Variants in PERP observed in about 807,000 individuals in gnomAD.
PERP encodes the protein p53 apoptosis effector related to PMP-22.
Under a neutral mutation model 20.3 loss-of-function variants are expected in PERP, and 11 were observed. The observed-to-expected ratio is 0.54, with a 90% CI of 0.34 to 0.90. The LOEUF is 0.90. PERP is among the 40% of genes least tolerant of loss of function. PERP has a pLI of 0.02. For missense variants in PERP, 224 were observed against 249.4 expected, an observed-to-expected ratio of 0.90 and a Z score of 0.69; for synonymous variants, 101 against 102.0, an observed-to-expected ratio of 0.99 and a Z score of 0.06.
intron 1 of PERP, among the ~76,000 whole-genome samples, chr6:138,098,386 T>C (rs1230308131): frequency 1.3e-5 from 2 of 152,170 alleles, no homozygotes; most frequent in African/African-American, 4.8e-5. Context: ...TCTGCCCCTG[T>C]TGGCCATACT....
chr6:138,103,677 T>G (rs1010046300), intron 1 of PERP, among the ~76,000 whole-genome samples: 10 of 152,172 alleles, frequency 6.6e-5, no homozygotes, highest in Admixed American at 4.6e-4. Flanking sequence ...AATGAAATAA[T>G]TACACAACTC....
chr6:138,100,785 A>G (rs1775759400), intron 1 of PERP, among the ~76,000 whole-genome samples: 1 of 152,184 alleles, frequency 6.6e-6, no homozygotes, highest in African/African-American at 2.4e-5. Context: ...CATGTAATCA[A>G]AGAAACCAGC....
chr6:138,093,578 C>A (rs1775623630), intron 2 of PERP, among the ~76,000 whole-genome samples: 1 of 152,280 alleles, frequency 6.6e-6, no homozygotes, highest in East Asian at 1.9e-4. Context: ...TTTGCTACCA[C>A]ATACTGTGTA....
chr6:138,096,441 T>C lies in PERP; in HGVS notation c.268A>G (p.Ile90Val). 6.2e-7 allele frequency: 1 copy of C among 1,613,620 alleles called. No homozygotes were observed. Among genetic ancestry groups the C allele is most frequent in the Non-Finnish European group, 8.5e-7 (1 of 1,179,878 alleles). Residue 90 changes from isoleucine (I) to valine (V), a missense_variant, in exon 2 of 3, where the codon ATC (isoleucine) becomes GTC (valine). Transcript: ENST00000421351. ...MLFCGFIILVICFILSFFALC... is the reference protein window; with the variant it reads ...MLFCGFIILVVCFILSFFALC... Reference sequence around the variant, plus strand: ...GCGAAGAAGGAGAGGATGAAACAGATCACCAGGATGATGAAGCCACAGAAG... The same window carrying C: ...GCGAAGAAGGAGAGGATGAAACAGACCACCAGGATGATGAAGCCACAGAAG...
rs1170310846 is a variant in PERP, at chr6:138,096,448, G to T, written c.261C>A (p.Ile87=). 3 of 1,613,764 alleles carry T rather than the reference G, an allele frequency of 1.9e-6. No individual in the cohort carries two copies. The highest frequency in any genetic ancestry group is 2.5e-6 in the Non-Finnish European group (3 of 1,179,938). The change falls in exon 2 of 3, where the codon ATC becomes ATA. Residue 87 remains isoleucine (I), a synonymous_variant. Transcript: ENST00000421351. ...AGGAGAGGATGAAACAGATCACCAG[G>T]ATGATGAAGCCACAGAAGAGCATGG... is the stretch of plus-strand genomic sequence containing the variant. ...AAAMLFCGFI[I]LVICFILSFF... is the part of the protein sequence containing the mutation.
At chr6:138,095,703 C>A (rs944985159) in intron 2 of PERP, among the ~76,000 whole-genome samples, 1 of 152,198 alleles carries the variant, frequency 6.6e-6, no homozygotes, top group Admixed American at 6.5e-5. Context: ...CTTAGTGCCA[C>A]AGACCTGACT....
intron 1 of PERP, among the ~76,000 whole-genome samples, chr6:138,100,608 T>C (rs1043359220): frequency 2.0e-5 from 3 of 151,974 alleles, no homozygotes; most frequent in Admixed American, 6.6e-5. Context: ...AGGATTCTTA[T>C]TGTCAACTCT....
chr6:138,106,903 C>CTTTTTTTTTTTTTTTTTTTTT (rs577977770), intron 1 of PERP, among the ~76,000 whole-genome samples: 13 of 134,454 alleles, frequency 9.7e-5, no homozygotes, highest in East Asian at 2.4e-4. Context: ...GAACTACGGC[C>CTTTTTTTTTTTTTTTTTTTTT]TTTTTTTTTT....
At chr6:138,105,234 G>C (rs1488996594) in intron 1 of PERP, among the ~76,000 whole-genome samples, 1 of 152,210 alleles carries the variant, frequency 6.6e-6, no homozygotes, top group Admixed American at 6.5e-5. Context: ...AATCAGTCAT[G>C]CTGCATCATA....
At chr6:138,092,589 A>C (rs553773362) in intron 2 of PERP, among the ~76,000 whole-genome samples, 1 of 152,224 alleles carries the variant, frequency 6.6e-6, no homozygotes, top group Non-Finnish European at 1.5e-5. Context: ...TGTGGCATAC[A>C]ATAGAAAGCA....
chr6:138,094,106 C>A (rs919201341), intron 2 of PERP, among the ~76,000 whole-genome samples: 7 of 152,160 alleles, frequency 4.6e-5, no homozygotes, highest in African/African-American at 1.7e-4. Flanking sequence ...AAGAGTTTTA[C>A]TAGGATATTT....
chr6:138,089,061 T>G lies in PERP; in HGVS notation c.*2981A>C, dbSNP rs1775537980. On this transcript the variant is annotated 3_prime_UTR_variant, in exon 3 of 3. Coordinates refer to ENST00000421351, the MANE Select transcript of PERP (RefSeq NM_022121.5). ...TTAATTAAAGAAAAAATTCTATCAATCAGAGAATCTTGAAGGTAGGGGGAT... is the reference window on the plus strand; with the variant it reads ...TTAATTAAAGAAAAAATTCTATCAAGCAGAGAATCTTGAAGGTAGGGGGAT... The G allele has an allele frequency of 6.6e-6, 1 of 152,118 alleles. No homozygotes were observed. The allele number at this position is 152,118 out of a possible 1,614,324, so 9.4% of individuals were successfully genotyped here. A position where few individuals can be genotyped will look rare whatever the true frequency, so the allele number is the denominator to read the frequency against.
rs117964202 is a variant in PERP, at chr6:138,093,789, G to A, written c.356-1521C>T. Reference sequence around the variant, plus strand: ...AATATATATAAAATTTAAAATAACAGTTTCTATGAAACATACCTTAAAAGT... The same window carrying A: ...AATATATATAAAATTTAAAATAACAATTTCTATGAAACATACCTTAAAAGT... On this transcript the variant is annotated intron_variant, in intron 2 of 2. Coordinates refer to ENST00000421351, the MANE Select transcript of PERP (RefSeq NM_022121.5). Among the ~76,000 whole-genome samples the A allele has an allele frequency of 2.6e-3, 396 of 152,140 alleles. 2 individuals are homozygous for A. Among genetic ancestry groups the A allele is most frequent in the Admixed American group, 4.5e-3 (69 of 15,266 alleles).
intron 1 of PERP, among the ~76,000 whole-genome samples, chr6:138,105,880 T>C (rs1775832783): frequency 6.6e-6 from 1 of 151,784 alleles, no homozygotes; most frequent in African/African-American, 2.4e-5. Flanking sequence ...AGTGTATGGG[T>C]TTTCAGAGAA....
intron 2 of PERP, among the ~76,000 whole-genome samples, chr6:138,096,111 G>A (rs1200660201): frequency 2.0e-5 from 3 of 152,076 alleles, no homozygotes; most frequent in Non-Finnish European, 2.9e-5. Flanking sequence ...AGAGAGATAG[G>A]GGCATGTAGA....
In PERP at chr6:138,092,268, G is replaced by A; in HGVS notation, c.356C>T (p.Ala119Val). Residue 119 changes from alanine to valine, a missense_variant and splice_region_variant, in exon 3 of 3, where the codon GCT becomes GTT. Coordinates refer to ENST00000421351, the MANE Select transcript of PERP (RefSeq NM_022121.5). ...RVIGGLLALA[A>V]VFQIISLVIY... ...TACCAGGGAGATGATCTGGAACACAGCTAAAGGGAAGAAAAAAATCCCAGG... is the reference window on the plus strand; with the variant it reads ...TACCAGGGAGATGATCTGGAACACAACTAAAGGGAAGAAAAAAATCCCAGG... 6.2e-7 allele frequency: 1 copy of A among 1,612,520 alleles called. No individual in the cohort carries two copies. Among genetic ancestry groups the A allele is most frequent in the East Asian group, 2.2e-5 (1 of 44,878 alleles).
In PERP at chr6:138,107,418, G is replaced by A; in HGVS notation, c.-78C>T. 1 of 1,206,648 alleles carries A rather than the reference G, an allele frequency of 8.3e-7. No homozygotes were observed. Among genetic ancestry groups the A allele is most frequent in the Non-Finnish European group, 1.1e-6 (1 of 939,974 alleles). 74.7% of individuals were successfully genotyped at this position (1,206,648 alleles called of 1,614,324 possible). ...CGCGCGGGACGGGCGACAGCAGAGA[G>A]TGGCCTGCGAGCGCGGGCGCCGCCA... is the stretch of plus-strand genomic sequence containing the variant. On this transcript the variant is annotated 5_prime_UTR_variant, in exon 1 of 3. Coordinates refer to ENST00000421351, the MANE Select transcript of PERP (RefSeq NM_022121.5). This position sits in a 1 kb window ranked among gnomAD's most constrained non-coding sequence, Gnocchi z 4.8.
chr6:138,105,257 G>A (rs902164078), intron 1 of PERP, among the ~76,000 whole-genome samples: 1 of 152,092 alleles, frequency 6.6e-6, no homozygotes, highest in African/African-American at 2.4e-5. Context: ...CAGATTTTTC[G>A]AGATCCACTT....
intron 2 of PERP, among the ~76,000 whole-genome samples, chr6:138,096,050 C>T (rs1293852443): frequency 6.6e-6 from 1 of 152,156 alleles, no homozygotes; most frequent in Non-Finnish European, 1.5e-5. Flanking sequence ...TTTTCCAGGG[C>T]TGACATAGCC....
Sources: allele counts gnomAD v4.1 joint callset (sites outside exome capture counted in the v4.1 genomes callset), GRCh38; gene constraint gnomAD v4.1.1; non-coding constraint Gnocchi (gnomAD v3.1); transcripts MANE v1.5; gene names NCBI Gene and HGNC (gene_info 2026-07-23, HGNC 2026-07-21).